CGNL1: variants seen among roughly 807,000 people sequenced by gnomAD.
CGNL1 encodes the protein cingulin-like protein 1.
In CGNL1, 132 loss-of-function variants were observed where a neutral mutation model predicts 141.2. The observed-to-expected ratio is 0.93, with a 90% CI of 0.81 to 1.08. CGNL1 has a LOEUF of 1.08. Ranked by LOEUF, CGNL1 falls within the 50% of genes least tolerant of loss-of-function variation. The probability of loss-of-function intolerance (pLI) is 0.00; values close to 1 mark genes in which losing one functional copy is unlikely to be tolerated. For synonymous variants in CGNL1, 690 were observed against 622.1 expected (o/e 1.11, Z -1.63); for missense variants, 1,870 against 1,588.6 (o/e 1.18, Z -3.01).
chr15:57,488,840 C>A (rs1511949), intron 8 of CGNL1, among the ~76,000 whole-genome samples: 98,338 of 152,062 alleles, frequency 0.65, 32,372 homozygotes, highest in East Asian at 1. Context: ...AAATGACTTC[C>A]GGGCTGTCAA....
chr15:57,409,138 G>A (rs2152267375), intron 1 of CGNL1, among the ~76,000 whole-genome samples: 2 of 151,924 alleles, frequency 1.3e-5, no homozygotes, highest in Middle Eastern at 6.8e-3. Flanking sequence ...AACTAACCAC[G>A]TGCACACGCG....
chr15:57,433,006 A>T (rs2063062728), intron 1 of CGNL1, among the ~76,000 whole-genome samples: 1 of 152,246 alleles, frequency 6.6e-6, no homozygotes, highest in Non-Finnish European at 1.5e-5. Context: ...CTAATAAAAG[A>T]GGAAATATTT....
intron 15 of CGNL1, 27 bp downstream of exon 15, chr15:57,543,806 C>CT: frequency 2.5e-6 from 4 of 1,570,970 alleles, no homozygotes; most frequent in Non-Finnish European, 3.5e-6. Flanking sequence ...TGTGAGCTGC[C>CT]CCCCCGTCCA....
At chr15:57,475,634 A>C (rs917367146) in intron 8 of CGNL1, among the ~76,000 whole-genome samples, 2 of 150,788 alleles carry the variant, frequency 1.3e-5, no homozygotes, top group Non-Finnish European at 2.9e-5. Flanking sequence ...GACACACCAC[A>C]TCTCTGATCC....
chr15:57,510,694 G>A lies in CGNL1; in HGVS notation c.2404-6086G>A, dbSNP rs566880260. ...ACCCAAGCCTTGAAAGCAGTTCTTC[G>A]CAGTCCCTTGGATGTCTCTCATCAC... On this transcript the variant is annotated intron_variant, in intron 8 of 18. Coordinates refer to ENST00000281282, the MANE Select transcript of CGNL1 (RefSeq NM_032866.5). 9.2e-5 allele frequency among the ~76,000 whole-genome samples: 14 copies of A among 152,254 alleles called. 1 individual carries two copies. In the South Asian group the frequency reaches 2.1e-3, roughly 23 times the overall value.
intron 1 of CGNL1, among the ~76,000 whole-genome samples, chr15:57,406,657 C>A (rs1233149140): frequency 1.3e-5 from 2 of 152,132 alleles, no homozygotes. Context: ...AAACCCGACA[C>A]CCGTCTGGCC....
At chr15:57,453,565 T>C (rs766243080) in intron 6 of CGNL1, 118 bp from the exon 7 acceptor site, 29 of 1,315,670 alleles carry the variant, frequency 2.2e-5, no homozygotes, top group Non-Finnish European at 2.7e-5. Context: ...GAACAGAGAA[T>C]GGGGAGGCTC....
chr15:57,486,925 C>T (rs2063792482), intron 8 of CGNL1, among the ~76,000 whole-genome samples: 1 of 152,200 alleles, frequency 6.6e-6, no homozygotes, highest in Admixed American at 6.5e-5. Flanking sequence ...TGTTTTAGAA[C>T]TTCTTACAGA....
chr15:57,531,033 GC>G (rs1319894272), intron 13 of CGNL1, among the ~76,000 whole-genome samples: 3 of 152,172 alleles, frequency 2.0e-5, no homozygotes, highest in African/African-American at 7.2e-5. Context: ...TGTGTTAGAA[GC>G]CTCTTTTCTT....
At position 57,550,024 on chromosome 15, in the gene CGNL1, C is replaced by G. The variant is rs1290789962; in HGVS notation, c.*2534C>G. 1 of 152,216 alleles carries G rather than the reference C, an allele frequency of 6.6e-6. No individual in the cohort carries two copies. Among genetic ancestry groups the G allele is most frequent in the Non-Finnish European group, 1.5e-5 (1 of 68,048 alleles). The allele number at this position is 152,216 out of a possible 1,614,324, so 9.4% of individuals were successfully genotyped here. On this transcript the variant is annotated 3_prime_UTR_variant, in exon 19 of 19. Transcript: ENST00000281282. ...TAGCTGCCCCTCATTCTGGCCAGTT[C>G]TTTCCAGTAGCCATGGGGCTGGCTA...
At chr15:57,468,419 A>T (rs2063538272) in intron 8 of CGNL1, among the ~76,000 whole-genome samples, 1 of 150,962 alleles carries the variant, frequency 6.6e-6, no homozygotes, top group Non-Finnish European at 1.5e-5. Flanking sequence ...TTTTGTAAAG[A>T]CAGGGTTTTA....
At chr15:57,543,251 C>T (rs139404591) in intron 14 of CGNL1, among the ~76,000 whole-genome samples, 2 of 114,544 alleles carry the variant, frequency 1.7e-5, no homozygotes, top group Non-Finnish European at 2.2e-5. Flanking sequence ...TTCACGTGGC[C>T]GTCTTCCCTG....
intron 12 of CGNL1, 92 bp downstream of exon 12, chr15:57,524,843 C>G: frequency 1.6e-6 from 2 of 1,281,750 alleles, no homozygotes; most frequent in Non-Finnish European, 2.2e-6. Context: ...GGGGTAGATT[C>G]GTGAGACAGC....
intron 1 of CGNL1, among the ~76,000 whole-genome samples, chr15:57,377,893 C>CT (rs1180404727): frequency 1.3e-5 from 2 of 152,226 alleles, no homozygotes; most frequent in Non-Finnish European, 2.9e-5. Context: ...CCTCCGGAGA[C>CT]TCCCCCACGT....
intron 7 of CGNL1, among the ~76,000 whole-genome samples, chr15:57,455,501 T>G (rs1431496555): frequency 2.0e-5 from 3 of 152,186 alleles, no homozygotes; most frequent in African/African-American, 7.2e-5. Context: ...CCCTGTCCTT[T>G]TAGTTTCTCT....
intron 8 of CGNL1, among the ~76,000 whole-genome samples, chr15:57,486,827 G>C (rs1595755401): frequency 1.3e-5 from 2 of 152,302 alleles, no homozygotes; most frequent in South Asian, 2.1e-4. Context: ...ATTTTGGTTG[G>C]GCCCAACAGC....
At position 57,378,403 on chromosome 15, in the gene CGNL1, C is replaced by G. The variant is rs191906579; in HGVS notation, c.-16+1836C>G. ...TTTTTTTTTTTTTTTTTTTTTGAGA[C>G]AGAGTTTTGCTCTTGTCGCCCAGGC... On this transcript the variant is annotated intron_variant, in intron 1 of 18. Transcript: ENST00000281282. Among the ~76,000 whole-genome samples, 267 of 59,184 alleles carry G rather than the reference C, an allele frequency of 4.5e-3. 4 individuals carry two copies. The highest frequency in any genetic ancestry group is 0.017 in the African/African-American group (260 of 15,534). 38.8% of individuals were successfully genotyped at this position (59,184 alleles called of 152,430 possible). A position where few individuals can be genotyped will look rare whatever the true frequency, so the allele number is the denominator to read the frequency against.
intron 8 of CGNL1, among the ~76,000 whole-genome samples, chr15:57,469,050 CA>C (rs1365817753): frequency 1.3e-5 from 2 of 152,038 alleles, no homozygotes; most frequent in Non-Finnish European, 2.9e-5. Flanking sequence ...TCTTTATCAG[CA>C]GTGTGAAAAT....
At chr15:57,377,723 G>A (rs2152207214) in intron 1 of CGNL1, among the ~76,000 whole-genome samples, 1 of 152,314 alleles carries the variant, frequency 6.6e-6, no homozygotes, top group South Asian at 2.1e-4. Context: ...AGGTGGGAGT[G>A]TAGGCATTAG....
Sources: gnomAD v4.1 joint callset for allele counts (sites outside exome capture counted in the v4.1 genomes callset) on GRCh38, gnomAD v4.1.1 for gene constraint, MANE v1.5 for transcripts, NCBI Gene and HGNC (gene_info 2026-07-23, HGNC 2026-07-21) for gene names.